The following GSDMC variants were observed in gnomAD, a reference collection of about 807,000 sequenced individuals.
GSDMC encodes gasdermin C.
GSDMC carries 59 observed loss-of-function variants against 58.0 expected under a neutral mutation model. The ratio of observed to expected loss-of-function variants is 1.02; its 90% CI spans 0.82 to 1.26. GSDMC has a LOEUF of 1.26. Among genes scored for constraint, GSDMC ranks in the 50% most tolerant of loss-of-function variants. The probability of loss-of-function intolerance (pLI) is 0.00; values close to 1 mark genes in which losing one functional copy is unlikely to be tolerated. For missense variants in GSDMC, 659 were observed against 598.5 expected (o/e 1.10, Z -1.06); for synonymous variants, 241 against 220.2 (o/e 1.09, Z -0.83).
At chr8:129,727,535 G>C in the GSDMC span, among the ~76,000 whole-genome samples, 2 of 152,190 alleles carry the variant, frequency 1.3e-5, no homozygotes, top group Non-Finnish European at 2.9e-5. Context: ...GACAGGCCGA[G>C]GGAGAGCACT....
Position 129,751,564 on chromosome 8 carries a change from T to C in GSDMC, c.921A>G (p.Arg307=). 6.2e-7 allele frequency: 1 copy of C among 1,612,634 alleles called. No homozygotes were observed. Among genetic ancestry groups the C allele is most frequent in the East Asian group, 2.2e-5 (1 of 44,798 alleles). ...YEQVHILPVG[R]IEEPFWQNFK... ...TACTTTGCCAGAAGGGTTCCTCTAT[T>C]CTTCCTAGAAGGAGAATCAAGTCAT... Residue 307 remains arginine (R), a synonymous_variant, in exon 10 of 14, where the codon AGA becomes AGG. Coordinates refer to ENST00000276708, the MANE Select transcript of GSDMC (RefSeq NM_031415.3).
chr8:129,747,421 G>C (rs2032989314), downstream of GSDMC, among the ~76,000 whole-genome samples: 1 of 152,178 alleles, frequency 6.6e-6, no homozygotes, highest in Non-Finnish European at 1.5e-5. Flanking sequence ...CAGAAAAAAA[G>C]TAAACACTGT....
rs1233138539 is a variant in GSDMC at position 129,765,735 on chromosome 8, G to A, written c.463C>T (p.Leu155=). The part of the protein sequence containing the change: ...LKECRRRGDN[L]YVVTEAVELI... ...TCAACAGCCTCTGTCACCACGTACA[G>A]GTTGTCCCCTCTCCTCCGGCACTCC... Residue 155 remains leucine (L), a synonymous_variant, in exon 4 of 14, where the codon CTG becomes TTG. Transcript: ENST00000276708. 3 of 1,613,056 alleles carry A rather than the reference G, an allele frequency of 1.9e-6. No individual in the cohort carries two copies. The highest frequency in any genetic ancestry group is 3.3e-5 in the Admixed American group (2 of 60,008).
At chr8:129,768,297 C>T (rs936372240) in intron 3 of GSDMC, among the ~76,000 whole-genome samples, 9 of 152,052 alleles carry the variant, frequency 5.9e-5, no homozygotes, top group African/African-American at 1.9e-4. Flanking sequence ...GCCTCAAAAG[C>T]ACAAAAAGAA....
the GSDMC span, chr8:129,728,741 G>A: frequency 2.1e-6 from 1 of 472,498 alleles, no homozygotes. Flanking sequence ...AGATCAAACT[G>A]CACAGTGCGA....
At chr8:129,770,800 A>G (rs1431448787) in intron 3 of GSDMC, among the ~76,000 whole-genome samples, 1 of 151,992 alleles carries the variant, frequency 6.6e-6, no homozygotes, top group East Asian at 1.9e-4. Flanking sequence ...ATTATATTAA[A>G]TGTAAACAGA....
chr8:129,734,503 G>C, the GSDMC span, among the ~76,000 whole-genome samples: 5 of 152,212 alleles, frequency 3.3e-5, no homozygotes, highest in Non-Finnish European at 5.9e-5. Context: ...CAAGCCAGAT[G>C]AGAGTGGGGG....
intron 12 of GSDMC, 108 bp downstream of exon 12, chr8:129,749,882 G>A (rs2033103345): frequency 1.2e-6 from 1 of 862,556 alleles, no homozygotes; most frequent in Non-Finnish European, 1.8e-6. Context: ...AAGGACGAAA[G>A]ATCATGGCAT....
At chr8:129,709,575 T>TGATA in the GSDMC span, among the ~76,000 whole-genome samples, 3 of 148,742 alleles carry the variant, frequency 2.0e-5, no homozygotes, top group South Asian at 2.2e-4. Context: ...AGATGATAGA[T>TGATA]GATAGATAGA....
At chr8:129,733,449 G>A in the GSDMC span, among the ~76,000 whole-genome samples, 7 of 152,264 alleles carry the variant, frequency 4.6e-5, no homozygotes, top group Non-Finnish European at 7.4e-5. Flanking sequence ...ATGCCCCTCT[G>A]GGATGAAACT....
At chr8:129,725,680 GA>G in the GSDMC span, among the ~76,000 whole-genome samples, 14 of 152,122 alleles carry the variant, frequency 9.2e-5, no homozygotes, top group Non-Finnish European at 2.1e-4. Flanking sequence ...ATTGATTCAA[GA>G]AAAGCTTGTT....
At chr8:129,723,082 T>C in the GSDMC span, 13 of 152,326 alleles carry the variant, frequency 8.5e-5, no homozygotes, top group African/African-American at 2.6e-4. Context: ...ATGTGAATCA[T>C]GCCACTGTTA....
the GSDMC span, among the ~76,000 whole-genome samples, chr8:129,716,196 A>G: frequency 6.6e-6 from 1 of 152,220 alleles, no homozygotes; most frequent in African/African-American, 2.4e-5. Context: ...TAAATATCCA[A>G]ATTAAAAGGC....
rs750913974 is a variant in GSDMC at position 129,750,467 on chromosome 8, G to A, written c.1047C>T (p.Leu349=). ...GGTCCTGTAGAGCCCCTCTGTCTCT[G>A]AGCATGGCCAGGATACTGTAGAACA... The part of the protein sequence containing the change: ...DVMFYSILAM[L]RDRGALQDLM... The change falls in exon 11 of 14, where the codon CTC becomes CTT. Residue 349 remains leucine (L), a synonymous_variant. Coordinates refer to ENST00000276708, the MANE Select transcript of GSDMC (RefSeq NM_031415.3). The A allele has an allele frequency of 1.9e-6, 3 of 1,613,974 alleles. No individual in the cohort carries two copies. Among genetic ancestry groups the A allele is most frequent in the African/African-American group, 1.3e-5 (1 of 75,022 alleles).
At chr8:129,764,647 G>C (rs1371703803) in intron 4 of GSDMC, among the ~76,000 whole-genome samples, 1 of 152,204 alleles carries the variant, frequency 6.6e-6, no homozygotes, top group Non-Finnish European at 1.5e-5. Context: ...TTTGGGCTCT[G>C]AGTGTTCCTT....
chr8:129,715,449 G>T, the GSDMC span, among the ~76,000 whole-genome samples: 1 of 152,006 alleles, frequency 6.6e-6, no homozygotes, highest in Non-Finnish European at 1.5e-5. Flanking sequence ...AATATTTGGA[G>T]AAATATTTCT....
the GSDMC span, among the ~76,000 whole-genome samples, chr8:129,720,708 A>T: frequency 1.3e-5 from 2 of 152,220 alleles, no homozygotes; most frequent in Non-Finnish European, 2.9e-5. Context: ...TTTCCAAAGC[A>T]ATTTCATATA....
intron 6 of GSDMC, among the ~76,000 whole-genome samples, chr8:129,755,340 A>T (rs2033385276): frequency 6.6e-6 from 1 of 152,206 alleles, no homozygotes; most frequent in Non-Finnish European, 1.5e-5. Context: ...AGAAAAAAAA[A>T]CCTTTTATCC....
At position 129,750,063 on chromosome 8, in the gene GSDMC, T is replaced by C. The variant is rs1362571636; in HGVS notation, c.1140A>G (p.Lys380=). ...LDGPGGAILK[K]LQQDSNHAWF... ...ATGCATGGTTTGAATCCTGTTGAAG[T>C]TTCTTTAGGATGGCACCACCAGGGC... The change falls in exon 12 of 14, where the codon AAA becomes AAG. Residue 380 remains lysine, a synonymous_variant. Coordinates refer to ENST00000276708, the MANE Select transcript of GSDMC (RefSeq NM_031415.3). 6.2e-7 allele frequency: 1 copy of C among 1,610,296 alleles called. No homozygotes were observed. Among genetic ancestry groups the C allele is most frequent in the Non-Finnish European group, 8.5e-7 (1 of 1,178,084 alleles).
Sources: allele counts gnomAD v4.1 joint callset (sites outside exome capture counted in the v4.1 genomes callset), GRCh38; gene constraint gnomAD v4.1.1; transcripts MANE v1.5; gene names NCBI Gene and HGNC (gene_info 2026-07-23, HGNC 2026-07-21).